Variants in FTO observed in about 807,000 individuals in gnomAD.
The protein encoded by FTO is alpha-ketoglutarate-dependent dioxygenase FTO.
FTO carries 47 observed loss-of-function variants against 63.9 expected under a neutral mutation model. The observed-to-expected ratio is 0.74, with a 90% CI of 0.58 to 0.94. The LOEUF (loss-of-function observed/expected upper bound fraction) is 0.94, where lower values mean the gene tolerates loss of function less well. FTO is among the 40% of genes least tolerant of loss of function. The probability of loss-of-function intolerance (pLI) is 0.00; values close to 1 mark genes in which losing one functional copy is unlikely to be tolerated. For synonymous variants in FTO, 207 were observed against 224.4 expected (o/e 0.92, Z 0.69); for missense variants, 562 against 618.1 (o/e 0.91, Z 0.96).
At chr16:53,996,981 C>T (rs1399190528) in intron 8 of FTO, among the ~76,000 whole-genome samples, 2 of 151,788 alleles carry the variant, frequency 1.3e-5, no homozygotes, top group South Asian at 2.1e-4. Flanking sequence ...GGCGTGGTGG[C>T]GGGTGCCTGT....
At chr16:53,812,456 C>G (rs1243649416) in intron 2 of FTO, among the ~76,000 whole-genome samples, 1 of 152,064 alleles carries the variant, frequency 6.6e-6, no homozygotes, top group Non-Finnish European at 1.5e-5. Flanking sequence ...CTCCTGACCT[C>G]AAGTGATTTG....
At chr16:53,931,183 A>G (rs567599270) in intron 7 of FTO, among the ~76,000 whole-genome samples, 1 of 152,190 alleles carries the variant, frequency 6.6e-6, no homozygotes, top group African/African-American at 2.4e-5. Context: ...CAGGGGGGAA[A>G]AATTTTGTTT....
intron 1 of FTO, among the ~76,000 whole-genome samples, chr16:53,764,546 G>C (rs1378193212): frequency 6.6e-6 from 1 of 151,764 alleles, no homozygotes; most frequent in Non-Finnish European, 1.5e-5. Flanking sequence ...ATTGGTGTTG[G>C]GACACATCAT....
intron 1 of FTO, among the ~76,000 whole-genome samples, chr16:53,776,809 C>T (rs532594261): frequency 2.7e-4 from 41 of 152,138 alleles, no homozygotes; most frequent in African/African-American, 9.9e-4. Flanking sequence ...AGTATATGAA[C>T]AAAATCTGGC....
chr16:54,111,904 G>A lies in FTO; in HGVS notation c.1507G>A (p.Ala503Thr). 6.2e-7 allele frequency: 1 copy of A among 1,614,074 alleles called. No individual in the cohort carries two copies. The highest frequency in any genetic ancestry group is 1.1e-5 in the South Asian group (1 of 91,062). ...AGAACTCAGAGGTCAGCTTCTGGAA[G>A]CAAAACCCTAGAAGGAGCACAAGTC... ...VSELRGQLLE[A>T]KP Residue 503 changes from alanine (A) to threonine (T), a missense_variant, in exon 9 of 9, where the codon GCA becomes ACA. Ala to Thr is a moderately conservative substitution (Grantham distance 58). Transcript: ENST00000471389.
intron 7 of FTO, among the ~76,000 whole-genome samples, chr16:53,924,133 A>G (rs2082079684): frequency 1.3e-5 from 2 of 152,186 alleles, no homozygotes; most frequent in Admixed American, 6.5e-5. Context: ...GCTGCTGCCA[A>G]TAGTCCTAAT....
At chr16:54,014,850 CTTTTTTTT>C (rs149634902) in intron 8 of FTO, among the ~76,000 whole-genome samples, 33 of 102,928 alleles carry the variant, frequency 3.2e-4, no homozygotes, top group Middle Eastern at 7.1e-3. Context: ...CTCTCTCTCT[CTTTTTTTT>C]TTTTTTTTTT....
At chr16:54,094,805 A>G (rs1192112305) in intron 8 of FTO, among the ~76,000 whole-genome samples, 1 of 152,152 alleles carries the variant, frequency 6.6e-6, no homozygotes, top group Non-Finnish European at 1.5e-5. Context: ...GTGTGTAGGT[A>G]GAGCATAGAA....
chr16:53,983,522 G>A lies in FTO; in HGVS notation c.1364+49413G>A, dbSNP rs529834646. On this transcript the variant is annotated intron_variant, in intron 8 of 8. Transcript: ENST00000471389. The stretch of plus-strand genomic sequence containing the variant: ...GGTGACTGTTGGAATTGCTAAACAG[G>A]ACTTAGAGTTTCAGAAACCCTTTTC... Among the ~76,000 whole-genome samples the A allele has an allele frequency of 2.2e-4, 34 of 152,124 alleles. No individual in the cohort carries two copies. The Middle Eastern group carries it at 0.017, about 76-fold the overall frequency.
intron 1 of FTO, among the ~76,000 whole-genome samples, chr16:53,793,608 G>A (rs1194831954): frequency 6.6e-6 from 1 of 152,188 alleles, no homozygotes; most frequent in Non-Finnish European, 1.5e-5. Context: ...TAATATTACA[G>A]CTTGAATCAA....
Position 53,951,737 on chromosome 16 carries a change from GT to G in FTO, c.1364+17630del, listed in dbSNP as rs558620231. 2.8e-4 allele frequency among the ~76,000 whole-genome samples: 43 copies of G among 151,842 alleles called. No individual in the cohort carries two copies. The South Asian group carries it at 5.4e-3, about 19-fold the overall frequency. On this transcript the variant is annotated intron_variant, in intron 8 of 8. Coordinates refer to ENST00000471389, the MANE Select transcript of FTO (RefSeq NM_001080432.3). ...TCTAACTGAATATATTTTACGTTAG[GT>G]TAGAAAAGCATAATTAGAATATTGG...
intron 8 of FTO, chr16:53,991,026 T>C (rs1294870338): frequency 1.3e-5 from 2 of 152,168 alleles, no homozygotes; most frequent in African/African-American, 4.8e-5. Flanking sequence ...AGACAGTCAT[T>C]TTTTTCTAGA....
intron 8 of FTO, among the ~76,000 whole-genome samples, chr16:54,005,670 T>TC: frequency 6.6e-6 from 1 of 152,220 alleles, no homozygotes; most frequent in African/African-American, 2.4e-5. Context: ...ATTCATGAAG[T>TC]ATTTATCAAA....
At chr16:53,846,985 G>T (rs1483922876) in intron 4 of FTO, among the ~76,000 whole-genome samples, 3 of 152,014 alleles carry the variant, frequency 2.0e-5, no homozygotes, top group African/African-American at 7.2e-5. Flanking sequence ...GTTAATGCCT[G>T]ATTTAATATA....
intron 8 of FTO, chr16:53,993,118 A>T (rs2083853299): frequency 1.3e-5 from 2 of 152,324 alleles, no homozygotes; most frequent in Non-Finnish European, 2.9e-5. Context: ...ATGACGTTGT[A>T]ATCATTTATA....
intron 7 of FTO, among the ~76,000 whole-genome samples, chr16:53,929,514 G>C (rs1423198309): frequency 6.6e-6 from 1 of 152,188 alleles, no homozygotes. Context: ...TTGTGTACAT[G>C]TTTTTGTTTG....
At chr16:53,858,686 G>A (rs1388361930) in intron 4 of FTO, among the ~76,000 whole-genome samples, 2 of 151,930 alleles carry the variant, frequency 1.3e-5, no homozygotes, top group Non-Finnish European at 1.5e-5. Flanking sequence ...TGTGAGACGG[G>A]GTCTTGATCT....
chr16:53,738,417 C>T (rs1295730628), intron 1 of FTO, among the ~76,000 whole-genome samples: 1 of 152,212 alleles, frequency 6.6e-6, no homozygotes, highest in Non-Finnish European at 1.5e-5. Flanking sequence ...GCACGGATTA[C>T]AGGCAATACT....
At chr16:53,924,652 C>A in intron 7 of FTO, among the ~76,000 whole-genome samples, 1 of 152,052 alleles carries the variant, frequency 6.6e-6, no homozygotes, top group Non-Finnish European at 1.5e-5. Flanking sequence ...CTTAAGTAGT[C>A]CAGTAGACGT....
Sources: allele counts gnomAD v4.1 joint callset (sites outside exome capture counted in the v4.1 genomes callset), GRCh38; gene constraint gnomAD v4.1.1; transcripts MANE v1.5; gene names NCBI Gene and HGNC (gene_info 2026-07-23, HGNC 2026-07-21).